The following SNTG1 variants were observed in gnomAD, a reference collection of about 807,000 sequenced individuals.
SNTG1 encodes the protein gamma-1-syntrophin.
SNTG1 carries 39 observed loss-of-function variants against 74.7 expected under a neutral mutation model. The observed-to-expected ratio is 0.52, with a 90% CI of 0.40 to 0.68. SNTG1 has a LOEUF of 0.68. Ranked by LOEUF, SNTG1 falls within the 30% of genes least tolerant of loss-of-function variation. The probability of loss-of-function intolerance (pLI) is 0.00; values close to 1 mark genes in which losing one functional copy is unlikely to be tolerated. For synonymous variants in SNTG1, 254 were observed against 217.1 expected (o/e 1.17, Z -1.49); for missense variants, 685 against 609.5 (o/e 1.12, Z -1.30).
At chr8:50,010,008 T>G (rs1346115998) in intron 1 of SNTG1, among the ~76,000 whole-genome samples, 2 of 152,130 alleles carry the variant, frequency 1.3e-5, no homozygotes, top group Admixed American at 1.3e-4. Context: ...AAAACCCAAT[T>G]ATTTATTTCT....
chr8:50,635,354 G>A (rs1479047811), intron 13 of SNTG1, among the ~76,000 whole-genome samples: 2 of 152,134 alleles, frequency 1.3e-5, no homozygotes, highest in Non-Finnish European at 2.9e-5. Flanking sequence ...AGGTCAGCCA[G>A]CCTTGTGTCT....
chr8:50,483,217 T>C (rs1233780376), intron 8 of SNTG1, among the ~76,000 whole-genome samples: 1 of 152,242 alleles, frequency 6.6e-6, no homozygotes, highest in Non-Finnish European at 1.5e-5. Context: ...GTGATTTTTA[T>C]AGTTATCCTA....
chr8:50,333,117 A>G (rs994058671), intron 2 of SNTG1, among the ~76,000 whole-genome samples: 1 of 152,264 alleles, frequency 6.6e-6, no homozygotes, highest in Non-Finnish European at 1.5e-5. Flanking sequence ...AACGTAATAT[A>G]TACTCAAGAC....
At chr8:50,070,114 C>T in intron 1 of SNTG1, among the ~76,000 whole-genome samples, 1 of 151,960 alleles carries the variant, frequency 6.6e-6, no homozygotes, top group East Asian at 1.9e-4. Context: ...ATAATCATTA[C>T]AATAGTTAAT....
chr8:50,334,709 A>G (rs181833704), intron 2 of SNTG1, among the ~76,000 whole-genome samples: 37 of 152,300 alleles, frequency 2.4e-4, no homozygotes, highest in Admixed American at 2.2e-3. Flanking sequence ...ACCTCTTTCA[A>G]TCAAATTTCT....
chr8:49,966,843 T>A (rs1811184073), intron 1 of SNTG1, among the ~76,000 whole-genome samples: 1 of 152,232 alleles, frequency 6.6e-6, no homozygotes. Context: ...GGCATATTTT[T>A]ATGTGCTACT....
intron 13 of SNTG1, among the ~76,000 whole-genome samples, chr8:50,639,411 C>T (rs2095058475): frequency 6.6e-6 from 1 of 151,722 alleles, no homozygotes; most frequent in Non-Finnish European, 1.5e-5. Context: ...AAATTATTGC[C>T]TTTTTGTTTT....
At chr8:49,926,775 A>G (rs919694041) in intron 1 of SNTG1, among the ~76,000 whole-genome samples, 33 of 152,280 alleles carry the variant, frequency 2.2e-4, no homozygotes, top group African/African-American at 7.2e-4. Flanking sequence ...CTCCTCTGTG[A>G]AAGGCAATGT....
chr8:49,978,989 G>A (rs1812429400), intron 1 of SNTG1, among the ~76,000 whole-genome samples: 1 of 152,128 alleles, frequency 6.6e-6, no homozygotes, highest in Non-Finnish European at 1.5e-5. Flanking sequence ...TCCACACTTG[G>A]GTAAAATCAC....
chr8:50,735,729 C>T (rs1019442939), intron 17 of SNTG1, among the ~76,000 whole-genome samples: 1 of 151,964 alleles, frequency 6.6e-6, no homozygotes, highest in Non-Finnish European at 1.5e-5. Flanking sequence ...CTTCCCCAAC[C>T]TAGCAAGATA....
intron 13 of SNTG1, among the ~76,000 whole-genome samples, chr8:50,599,830 CT>C (rs1449532461): frequency 6.6e-6 from 1 of 152,100 alleles, no homozygotes; most frequent in African/African-American, 2.4e-5. Flanking sequence ...CTAGCTAGGA[CT>C]TCCAGTACTA....
At chr8:50,137,678 G>A (rs887622823) in intron 1 of SNTG1, among the ~76,000 whole-genome samples, 1 of 152,184 alleles carries the variant, frequency 6.6e-6, no homozygotes, top group Non-Finnish European at 1.5e-5. Context: ...GACCTGGCAA[G>A]GGCATGAGGA....
intron 13 of SNTG1, among the ~76,000 whole-genome samples, chr8:50,656,520 TATTAAAGC>T (rs2095182335): frequency 6.6e-6 from 1 of 152,180 alleles, no homozygotes; most frequent in African/African-American, 2.4e-5. Flanking sequence ...CAACATTCTG[TATTAAAGC>T]ACATTCCCAA....
intron 1 of SNTG1, among the ~76,000 whole-genome samples, chr8:49,949,813 G>T (rs1809539054): frequency 6.6e-6 from 1 of 152,144 alleles, no homozygotes; most frequent in Non-Finnish European, 1.5e-5. Flanking sequence ...ATTGTTAGTG[G>T]TTGAAATTCT....
At chr8:50,097,841 A>G (rs1427156928) in intron 1 of SNTG1, among the ~76,000 whole-genome samples, 1 of 152,200 alleles carries the variant, frequency 6.6e-6, no homozygotes, top group African/African-American at 2.4e-5. Context: ...CTTTTTATGT[A>G]AGAGAGGTGT....
At chr8:50,049,523 A>G (rs187095972) in intron 1 of SNTG1, among the ~76,000 whole-genome samples, 1 of 152,138 alleles carries the variant, frequency 6.6e-6, no homozygotes, top group African/African-American at 2.4e-5. Flanking sequence ...TTGTTAGGAT[A>G]ACTGGATGAA....
Position 50,192,889 on chromosome 8 carries a change from C to T in SNTG1, c.-28+20254C>T, listed in dbSNP as rs1019903576. On this transcript the variant is annotated intron_variant, in intron 2 of 18. Transcript: ENST00000642720. Reference sequence around the variant, plus strand: ...ATGTGGCCAGCCAATTATCCCAGCACTATTTGTTGAAAAGGATGTCCTTTC... The same window carrying T: ...ATGTGGCCAGCCAATTATCCCAGCATTATTTGTTGAAAAGGATGTCCTTTC... Among the ~76,000 whole-genome samples, 5 of 152,096 alleles carry T rather than the reference C, an allele frequency of 3.3e-5. No homozygotes were observed. In the East Asian group the frequency reaches 7.7e-4, roughly 23 times the overall value.
chr8:50,116,482 T>A (rs1239033828), intron 1 of SNTG1, among the ~76,000 whole-genome samples: 2 of 152,176 alleles, frequency 1.3e-5, no homozygotes, highest in African/African-American at 4.8e-5. Context: ...CTTGACTCTG[T>A]GTTGGAATGG....
Position 50,374,660 on chromosome 8 carries a change from A to T in SNTG1, c.-27-19552A>T, listed in dbSNP as rs115696915. On this transcript the variant is annotated intron_variant, in intron 2 of 18. Transcript: ENST00000642720. ...CTTCAAGAAGAGTGGCCTAATTTTC[A>T]CTGGAAAATAAAGTGAACTTAAGAA... Among the ~76,000 whole-genome samples the T allele has an allele frequency of 4.0e-3, 611 of 152,272 alleles. 7 individuals carry two copies. The highest frequency in any genetic ancestry group is 0.014 in the African/African-American group (568 of 41,562).
Sources: gnomAD v4.1 joint callset for allele counts (sites outside exome capture counted in the v4.1 genomes callset) on GRCh38, gnomAD v4.1.1 for gene constraint, MANE v1.5 for transcripts, NCBI Gene and HGNC (gene_info 2026-07-23, HGNC 2026-07-21) for gene names.